PCDH15: variants seen among roughly 807,000 people sequenced by gnomAD.
PCDH15 encodes protocadherin related 15.
PCDH15 carries 129 observed loss-of-function variants against 178.5 expected under a neutral mutation model. The ratio of observed to expected loss-of-function variants is 0.72; its 90% CI spans 0.63 to 0.84. The LOEUF is 0.84. PCDH15 is among the 40% of genes least tolerant of loss of function. The pLI is 0.00. For synonymous variants in PCDH15, 800 were observed against 732.0 expected (o/e 1.09, Z -1.50); for missense variants, 2,230 against 2,099.9 (o/e 1.06, Z -1.21).
chr10:54,286,096 A>C (rs905246148), intron 8 of PCDH15, among the ~76,000 whole-genome samples: 1 of 152,162 alleles, frequency 6.6e-6, no homozygotes, highest in African/African-American at 2.4e-5. Flanking sequence ...TCAAAGTTAC[A>C]TTTGCACAGG....
At chr10:55,605,294 C>T (rs1843189080) in intron 2 of PCDH15, among the ~76,000 whole-genome samples, 1 of 152,174 alleles carries the variant, frequency 6.6e-6, no homozygotes, top group African/African-American at 2.4e-5. Flanking sequence ...CAGATGGATT[C>T]ACAGTCGAAT....
chr10:54,808,871 A>G (rs1236486534), intron 3 of PCDH15, among the ~76,000 whole-genome samples: 2 of 152,058 alleles, frequency 1.3e-5, no homozygotes, highest in African/African-American at 2.4e-5. Flanking sequence ...AAGACACATT[A>G]TATCTTTAAC....
intron 3 of PCDH15, among the ~76,000 whole-genome samples, chr10:54,874,887 G>A (rs1235625118): frequency 2.0e-5 from 3 of 152,108 alleles, no homozygotes; most frequent in Non-Finnish European, 4.4e-5. Flanking sequence ...TCACAGCCAT[G>A]AGAAATCTCA....
intron 9 of PCDH15, among the ~76,000 whole-genome samples, chr10:54,229,809 G>A (rs183601909): frequency 4.5e-4 from 68 of 152,158 alleles, no homozygotes; most frequent in East Asian, 4.3e-3. Context: ...GCATGAAAAC[G>A]GAATAATATA....
At chr10:54,216,533 G>A (rs547267858) in intron 9 of PCDH15, among the ~76,000 whole-genome samples, 25 of 152,206 alleles carry the variant, frequency 1.6e-4, no homozygotes, top group Non-Finnish European at 2.5e-4. Flanking sequence ...TAGATCATAA[G>A]CAAAGATAAG....
At chr10:53,889,129 ATAAACT>A (rs1331113530) in intron 26 of PCDH15, among the ~76,000 whole-genome samples, 2 of 152,068 alleles carry the variant, frequency 1.3e-5, no homozygotes, top group African/African-American at 2.4e-5. Context: ...ATTTTTGGAA[ATAAACT>A]TAAAAAAGTC....
At chr10:54,607,930 A>C (rs1158325457) in intron 2 of PCDH15, 1 of 512,554 alleles carries the variant, frequency 2.0e-6, no homozygotes. Flanking sequence ...AATGTCAAAA[A>C]CTGTGATTAC....
intron 2 of PCDH15, among the ~76,000 whole-genome samples, chr10:55,033,387 T>C (rs1420116970): frequency 2.0e-5 from 3 of 152,140 alleles, no homozygotes; most frequent in Non-Finnish European, 4.4e-5. Context: ...CTGGGGCATT[T>C]GGGGCCCAAC....
intron 2 of PCDH15, among the ~76,000 whole-genome samples, chr10:55,062,268 A>C (rs2132000628): frequency 6.6e-6 from 1 of 152,284 alleles, no homozygotes; most frequent in African/African-American, 2.4e-5. Context: ...ATGAAGACAC[A>C]ATGAGAAAGT....
chr10:54,402,687 A>G (rs1047006787), intron 3 of PCDH15, among the ~76,000 whole-genome samples: 3 of 151,940 alleles, frequency 2.0e-5, no homozygotes, highest in African/African-American at 7.2e-5. Context: ...GGTTTTTACT[A>G]TTAATTACTA....
At position 54,329,629 on chromosome 10, in the gene PCDH15, A is replaced by G; in HGVS notation, c.672T>C (p.Asp224=). Residue 224 remains aspartate, a synonymous_variant, in exon 7 of 38, where the codon GAT becomes GAC. Coordinates refer to ENST00000644397, the MANE Select transcript of PCDH15 (RefSeq NM_001384140.1). ...IVLRKRLNYE[D]KTRYFVIIQA... ...GGATTATGACAAAGTAGCGAGTCTT[A>G]TCTTCATAGTTGAGCCTCTTCCTTA... 1.2e-6 allele frequency: 2 copies of G among 1,606,762 alleles called. No individual in the cohort carries two copies. Among genetic ancestry groups the G allele is most frequent in the East Asian group, 2.2e-5 (1 of 44,734 alleles).
At chr10:54,763,721 T>A (rs947723716) in intron 1 of PCDH15, among the ~76,000 whole-genome samples, 10 of 149,062 alleles carry the variant, frequency 6.7e-5, no homozygotes, top group Non-Finnish European at 1.5e-4. Context: ...TCACATTTAC[T>A]TTTTATGGAT....
intron 3 of PCDH15, among the ~76,000 whole-genome samples, chr10:54,484,204 C>A (rs1331626516): frequency 6.6e-6 from 1 of 151,830 alleles, no homozygotes; most frequent in Non-Finnish European, 1.5e-5. Flanking sequence ...TATACATACA[C>A]CTCTATAATG....
chr10:54,206,828 G>A (rs1056059938), intron 10 of PCDH15, among the ~76,000 whole-genome samples: 1 of 152,016 alleles, frequency 6.6e-6, no homozygotes, highest in African/African-American at 2.4e-5. Flanking sequence ...AACCTATGAA[G>A]AACGATTACT....
intron 18 of PCDH15, among the ~76,000 whole-genome samples, chr10:54,041,644 G>C (rs181811245): frequency 2.6e-5 from 4 of 152,128 alleles, no homozygotes; most frequent in Admixed American, 1.3e-4. Flanking sequence ...AAAATATTAA[G>C]TTACGAAAAT....
At chr10:53,924,996 T>C (rs1292376175) in intron 25 of PCDH15, among the ~76,000 whole-genome samples, 1 of 152,050 alleles carries the variant, frequency 6.6e-6, no homozygotes, top group Non-Finnish European at 1.5e-5. Context: ...CAATCAGCTC[T>C]CTGTAAAACA....
chr10:55,307,143 T>C (rs991718668), intron 1 of PCDH15, among the ~76,000 whole-genome samples: 20 of 151,986 alleles, frequency 1.3e-4, no homozygotes, highest in Non-Finnish European at 2.5e-4. Flanking sequence ...TTATTGGAAA[T>C]ATCAGATATT....
intron 2 of PCDH15, among the ~76,000 whole-genome samples, chr10:55,561,165 T>A (rs114951401): frequency 0.014 from 2,149 of 151,864 alleles, 59 homozygotes; most frequent in African/African-American, 0.049. Flanking sequence ...CAGAAAGAAA[T>A]TCAGGTAAAA....
In PCDH15 at chr10:53,967,513, C is replaced by T. The variant is rs1049483578; in HGVS notation, c.2869-5621G>A. On this transcript the variant is annotated intron_variant, in intron 21 of 37. Transcript: ENST00000644397. ...TCCAGAACTCCTGGCCTCAAGTGTT[C>T]CTTTCAGTTTGGCCTCCCAAAGTAT... 4.6e-5 allele frequency among the ~76,000 whole-genome samples: 7 copies of T among 152,146 alleles called. No individual in the cohort carries two copies. In the South Asian group the frequency reaches 6.2e-4, roughly 13 times the overall value.
Sources: allele counts gnomAD v4.1 joint callset (sites outside exome capture counted in the v4.1 genomes callset), GRCh38; gene constraint gnomAD v4.1.1; transcripts MANE v1.5; gene names NCBI Gene and HGNC (gene_info 2026-07-23, HGNC 2026-07-21).